Variants in BAIAP2 observed in about 807,000 individuals in gnomAD.
BAIAP2 encodes the protein BAR/IMD domain containing adaptor protein 2, also known as BAR/IMD domain-containing adapter protein 2.
A neutral mutation model predicts 63.0 loss-of-function variants in BAIAP2; 18 were observed. The observed-to-expected ratio is 0.29, with a 90% CI of 0.20 to 0.42. The LOEUF (loss-of-function observed/expected upper bound fraction) is 0.42, where lower values mean the gene tolerates loss of function less well. Ranked by LOEUF, BAIAP2 falls within the 10% of genes least tolerant of loss-of-function variation. The pLI, the probability that BAIAP2 is intolerant of heterozygous loss-of-function variation, is 1.00. For missense variants in BAIAP2, 610 were observed against 734.3 expected (o/e 0.83, Z 1.96); for synonymous variants, 386 against 307.6 (o/e 1.25, Z -2.67).
Position 81,066,692 on chromosome 17 carries a change from C to T in BAIAP2, c.217+8725C>T, listed in dbSNP as rs182337936. On this transcript the variant is annotated intron_variant, in intron 3 of 13. Coordinates refer to ENST00000428708, the MANE Select transcript of BAIAP2 (RefSeq NM_001144888.2). The stretch of plus-strand genomic sequence containing the variant: ...CTTCGGGGCTGTCCCCAGTGGCTCC[C>T]GTTGGCCAAAGTGGCTCGGAAGCAC... Among the ~76,000 whole-genome samples, 49 of 152,350 alleles carry T rather than the reference C, an allele frequency of 3.2e-4. 2 individuals are homozygous for T. The highest frequency in any genetic ancestry group is 7.2e-4 in the African/African-American group (30 of 41,582).
chr17:81,104,820 C>G (rs1198204926), intron 10 of BAIAP2, 105 bp downstream of exon 10: 5 of 1,265,014 alleles, frequency 4.0e-6, no homozygotes, highest in Non-Finnish European at 5.4e-6. Context: ...AGTGGCTGTG[C>G]AGGTTGCGGG....
intron 1 of BAIAP2, among the ~76,000 whole-genome samples, chr17:81,045,435 T>C (rs1286305524): frequency 2.6e-5 from 4 of 152,088 alleles, no homozygotes; most frequent in African/African-American, 9.7e-5. Flanking sequence ...GCATTCATGG[T>C]CCCTGTCCTG....
At chr17:81,089,417 G>A (rs978990060) in intron 6 of BAIAP2, among the ~76,000 whole-genome samples, 5 of 152,238 alleles carry the variant, frequency 3.3e-5, no homozygotes, top group African/African-American at 4.8e-5. Flanking sequence ...TGTGGTCCAC[G>A]GTCTGGGCAA....
chr17:81,059,090 G>A lies in BAIAP2; in HGVS notation c.217+1123G>A, dbSNP rs991621152. 3.3e-5 allele frequency among the ~76,000 whole-genome samples: 5 copies of A among 152,106 alleles called. No homozygotes were observed. The East Asian group carries it at 5.8e-4, about 18-fold the overall frequency. On this transcript the variant is annotated intron_variant, in intron 3 of 13. Transcript: ENST00000428708. ...GCGCCGGGAGGCAGACCTGCCGGCC[G>A]CACTTCGCAGCCCCCTGCGGACCCT...
At chr17:81,035,516 C>G (rs1005027774) in intron 1 of BAIAP2, among the ~76,000 whole-genome samples, 6 of 149,042 alleles carry the variant, frequency 4.0e-5, no homozygotes, top group Non-Finnish European at 7.5e-5. Context: ...TGGCCACCCC[C>G]GCCCGGGCCC....
chr17:81,074,576 T>C (rs866647958), intron 3 of BAIAP2, among the ~76,000 whole-genome samples: 3 of 145,354 alleles, frequency 2.1e-5, no homozygotes, highest in African/African-American at 5.2e-5. Flanking sequence ...TGTGCGTGCA[T>C]GGATGTGTGA....
chr17:81,098,080 G>A, intron 6 of BAIAP2: 1 of 1,317,624 alleles, frequency 7.6e-7, no homozygotes, highest in East Asian at 2.9e-5. Context: ...CCCCAGGCCA[G>A]CTGGGGTCAT....
chr17:81,063,358 C>T (rs1296731451), intron 3 of BAIAP2, among the ~76,000 whole-genome samples: 2 of 152,170 alleles, frequency 1.3e-5, no homozygotes, highest in Non-Finnish European at 2.9e-5. Flanking sequence ...TCTTGCCACA[C>T]GCGGATGCCT....
At chr17:81,067,678 C>T (rs934585457) in intron 3 of BAIAP2, among the ~76,000 whole-genome samples, 4 of 152,228 alleles carry the variant, frequency 2.6e-5, no homozygotes, top group African/African-American at 7.2e-5. Flanking sequence ...GGCTCTGAGG[C>T]CCGGCCAGGT....
chr17:81,039,478 G>T (rs983502619), intron 1 of BAIAP2, among the ~76,000 whole-genome samples: 1 of 152,212 alleles, frequency 6.6e-6, no homozygotes, highest in African/African-American at 2.4e-5. Flanking sequence ...GGGATGTGGC[G>T]CTTGTGGAGT....
chr17:81,047,816 C>T (rs1000949687), intron 1 of BAIAP2, among the ~76,000 whole-genome samples: 4 of 152,164 alleles, frequency 2.6e-5, no homozygotes, highest in African/African-American at 9.7e-5. Flanking sequence ...CAGGGGTCCA[C>T]ATGCATCTAG....
At chr17:81,085,046 A>T in intron 4 of BAIAP2, 153 bp downstream of exon 4, 1 of 769,154 alleles carries the variant, frequency 1.3e-6, no homozygotes, top group African/African-American at 1.7e-5. Context: ...CACAAGCCAC[A>T]CTCGAAGGAG....
chr17:81,107,040 A>G, intron 12 of BAIAP2, 133 bp downstream of exon 12: 27 of 1,115,870 alleles, frequency 2.4e-5, no homozygotes, highest in Non-Finnish European at 3.1e-5. Context: ...CCTGGGGTGA[A>G]GGCTGCATGA....
chr17:81,106,291 C>A, intron 11 of BAIAP2, 145 bp downstream of exon 11: 1 of 908,880 alleles, frequency 1.1e-6, no homozygotes, highest in Non-Finnish European at 1.7e-6. Flanking sequence ...GCCCTGAGAG[C>A]TGGACGCTTG....
At chr17:81,098,286 G>A (rs1020483040) in intron 6 of BAIAP2, 10 of 1,009,764 alleles carry the variant, frequency 9.9e-6, no homozygotes, top group Middle Eastern at 2.4e-4. Flanking sequence ...GGGAGGCAGC[G>A]GCCGCCCTCA....
intron 13 of BAIAP2, among the ~76,000 whole-genome samples, chr17:81,113,865 C>A (rs548192272): frequency 6.6e-6 from 1 of 151,948 alleles, no homozygotes; most frequent in Non-Finnish European, 1.5e-5. Context: ...TGATGAGAAT[C>A]GGCTGTGATT....
chr17:81,035,226 G>T lies in BAIAP2; in HGVS notation c.-29G>T, dbSNP rs2046040527. On this transcript the variant is annotated 5_prime_UTR_variant, in exon 1 of 14. Transcript: ENST00000428708. ...TGCCGCCGCTTGCGTCCCCCGCTCC[G>T]GTCTGTGGTGCAGCCGGGACCCAGG... 3.4e-6 allele frequency: 5 copies of T among 1,481,618 alleles called. No homozygotes were observed. The highest frequency in any genetic ancestry group is 3.6e-6 in the Non-Finnish European group (4 of 1,108,396). The allele number at this position is 1,481,618 out of a possible 1,614,324, so 91.8% of individuals were successfully genotyped here.
chr17:81,103,475 C>G (rs1185177745), intron 7 of BAIAP2, 27 bp from the exon 8 acceptor site: 4 of 1,540,104 alleles, frequency 2.6e-6, no homozygotes, highest in Non-Finnish European at 3.5e-6. Context: ...GGCCCTGACC[C>G]CTCCCTTCCT....
intron 3 of BAIAP2, among the ~76,000 whole-genome samples, chr17:81,073,605 C>T (rs1332781219): frequency 6.6e-6 from 1 of 152,194 alleles, no homozygotes; most frequent in Non-Finnish European, 1.5e-5. Flanking sequence ...CGACGATCTG[C>T]ACAGATCTGC....
Sources: allele counts gnomAD v4.1 joint callset (sites outside exome capture counted in the v4.1 genomes callset), GRCh38; gene constraint gnomAD v4.1.1; transcripts MANE v1.5; gene names NCBI Gene and HGNC (gene_info 2026-07-23, HGNC 2026-07-21).